TPP2: variants seen among roughly 807,000 people sequenced by gnomAD.
TPP2 encodes the protein tripeptidyl peptidase 2.
TPP2 carries 34 observed loss-of-function variants against 155.9 expected under a neutral mutation model. The observed-to-expected ratio is 0.22, with a 90% CI of 0.17 to 0.29. The LOEUF is 0.29. TPP2 is among the 10% of genes least tolerant of loss of function. The pLI, the probability that TPP2 is intolerant of heterozygous loss-of-function variation, is 1.00. For missense variants in TPP2, 1,028 were observed against 1,522.3 expected (o/e 0.68, Z 5.40); for synonymous variants, 510 against 529.4 (o/e 0.96, Z 0.50).
At chr13:102,602,335 A>T (rs1216651438) in intron 1 of TPP2, among the ~76,000 whole-genome samples, 1 of 151,988 alleles carries the variant, frequency 6.6e-6, no homozygotes, top group Non-Finnish European at 1.5e-5. Flanking sequence ...TATCTGATTT[A>T]AGTTTTATAG....
chr13:102,675,822 A>G (rs952845177), intron 28 of TPP2, among the ~76,000 whole-genome samples: 2 of 152,194 alleles, frequency 1.3e-5, no homozygotes, highest in Non-Finnish European at 2.9e-5. Flanking sequence ...CCACATTCCA[A>G]AGTAGAGACC....
In TPP2 at chr13:102,625,013, C is replaced by T. The variant is rs1881480032; in HGVS notation, c.784+1973C>T. Among the ~76,000 whole-genome samples, 4 of 151,196 alleles carry T rather than the reference C, an allele frequency of 2.6e-5. No homozygotes were observed. In the South Asian group the frequency reaches 8.4e-4, roughly 32 times the overall value. On this transcript the variant is annotated intron_variant, in intron 6 of 29. Coordinates refer to ENST00000376052, the MANE Select transcript of TPP2 (RefSeq NM_001330588.2). The stretch of plus-strand genomic sequence containing the variant: ...TAGCTGGGATTACAGGCGCGTACCA[C>T]CACACCTGGCTAGTTTTTGTATTTT...
At chr13:102,652,266 A>G (rs757876389) in intron 24 of TPP2, among the ~76,000 whole-genome samples, 3 of 151,554 alleles carry the variant, frequency 2.0e-5, no homozygotes, top group Admixed American at 2.0e-4. Flanking sequence ...AGTCCCAGCT[A>G]CTCTATTGGA....
chr13:102,673,246 C>T (rs1016745358), intron 27 of TPP2, among the ~76,000 whole-genome samples: 6 of 152,184 alleles, frequency 3.9e-5, no homozygotes, highest in African/African-American at 7.2e-5. Flanking sequence ...GGGTTGATGG[C>T]TGTCTTTCCT....
In TPP2 at chr13:102,667,129, C is replaced by G. The variant is rs142094408; in HGVS notation, c.3371+2204C>G. 4.9e-3 allele frequency among the ~76,000 whole-genome samples: 749 copies of G among 152,250 alleles called. 7 individuals are homozygous for G. Among genetic ancestry groups the G allele is most frequent in the African/African-American group, 0.017 (712 of 41,552 alleles). ...ATGGGCAAGTAGCAGCCAACTTAAG[C>G]ATTAATTTCTCATTTCCATGCAAAA... On this transcript the variant is annotated intron_variant, in intron 27 of 29. Transcript: ENST00000376052.
Position 102,651,353 on chromosome 13 carries a change from TC to T in TPP2, c.2953-3del. On this transcript the variant is annotated splice_polypyrimidine_tract_variant and splice_region_variant and intron_variant, in intron 23 of 29. Transcript: ENST00000376052. ...TTTTCTTACAGAATGTCGTTCTAAC[TC>T]CCAGGGGCAGTCTGCAGCAAAACGA... 1 of 1,580,714 alleles carries T rather than the reference TC, an allele frequency of 6.3e-7. No homozygotes were observed. Among genetic ancestry groups the T allele is most frequent in the Non-Finnish European group, 8.6e-7 (1 of 1,162,408 alleles).
At chr13:102,660,156 A>G (rs557973612) in intron 25 of TPP2, among the ~76,000 whole-genome samples, 5 of 152,164 alleles carry the variant, frequency 3.3e-5, no homozygotes, top group African/African-American at 1.2e-4. Context: ...ATAAGTTAAG[A>G]TGTATATGGT....
intron 23 of TPP2, 72 bp downstream of exon 23, chr13:102,649,558 TC>T: frequency 7.4e-7 from 1 of 1,345,548 alleles, no homozygotes; most frequent in Non-Finnish European, 1.0e-6. Flanking sequence ...AAGAATTAAT[TC>T]CACATTTCAG....
chr13:102,670,641 G>T (rs892697537), intron 27 of TPP2, among the ~76,000 whole-genome samples: 26 of 152,230 alleles, frequency 1.7e-4, no homozygotes, highest in African/African-American at 6.0e-4. Context: ...CCTTTTTGCT[G>T]CAGGAGTTAA....
At chr13:102,623,385 GAA>G (rs1881313493) in intron 6 of TPP2, among the ~76,000 whole-genome samples, 1 of 152,162 alleles carries the variant, frequency 6.6e-6, no homozygotes, top group Non-Finnish European at 1.5e-5. Context: ...CCAACATGGA[GAA>G]ACCCCATCTC....
At position 102,616,386 on chromosome 13, in the gene TPP2, G is replaced by A. The variant is rs1464029410; in HGVS notation, c.391-10G>A. The stretch of plus-strand genomic sequence containing the variant: ...AGCCTAATTGTAAGGTAATTTTTCT[G>A]TCTTTGCAGAAAGAACGGAAGGAAA... On this transcript the variant is annotated splice_polypyrimidine_tract_variant and intron_variant, in intron 3 of 29. Coordinates refer to ENST00000376052, the MANE Select transcript of TPP2 (RefSeq NM_001330588.2). 2.0e-5 allele frequency: 32 copies of A among 1,601,240 alleles called. No individual in the cohort carries two copies. Among genetic ancestry groups the A allele is most frequent in the Non-Finnish European group, 2.7e-5 (32 of 1,173,844 alleles).
rs1885446945 is a variant in TPP2 at position 102,678,735 on chromosome 13, A to G, written c.*419A>G. The G allele has an allele frequency of 6.5e-6, 1 of 152,778 alleles. No individual in the cohort carries two copies. Among genetic ancestry groups the G allele is most frequent in the African/African-American group, 2.4e-5 (1 of 41,412 alleles). The allele number at this position is 152,778 out of a possible 1,614,324, so 9.5% of individuals were successfully genotyped here. The stretch of plus-strand genomic sequence containing the variant: ...TGTATGAAGGCCTTAAAAAAGCTAC[A>G]TTAAGCGTAGCTAAAATTATTTATT... On this transcript the variant is annotated 3_prime_UTR_variant, in exon 30 of 30. Coordinates refer to ENST00000376052, the MANE Select transcript of TPP2 (RefSeq NM_001330588.2).
intron 21 of TPP2, among the ~76,000 whole-genome samples, chr13:102,647,755 G>T (rs1201540415): frequency 6.6e-6 from 1 of 152,166 alleles, no homozygotes; most frequent in African/African-American, 2.4e-5. Context: ...CATGTCTTCA[G>T]TTCATTTGTA....
intron 10 of TPP2, among the ~76,000 whole-genome samples, chr13:102,630,762 G>A (rs1881961880): frequency 6.6e-6 from 1 of 152,154 alleles, no homozygotes; most frequent in African/African-American, 2.4e-5. Context: ...GGTATATTAA[G>A]TCCTAATTTA....
chr13:102,622,721 C>T (rs1386003761), intron 5 of TPP2, among the ~76,000 whole-genome samples, 156 bp from the exon 6 acceptor site: 1 of 152,030 alleles, frequency 6.6e-6, no homozygotes, highest in Non-Finnish European at 1.5e-5. Context: ...TCCTTACTGC[C>T]CACTCTAAGA....
At chr13:102,661,250 C>CT (rs35157211) in intron 25 of TPP2, among the ~76,000 whole-genome samples, 51,572 of 124,024 alleles carry the variant, frequency 0.42, 11,680 homozygotes, top group African/African-American at 0.5. Flanking sequence ...GAACGCTAAC[C>CT]TTTTTTTTTT....
At chr13:102,642,849 C>A (rs1023889293) in intron 16 of TPP2, among the ~76,000 whole-genome samples, 1 of 152,156 alleles carries the variant, frequency 6.6e-6, no homozygotes, top group Non-Finnish European at 1.5e-5. Context: ...ATATAACCTT[C>A]CTTACTTTAT....
intron 1 of TPP2, among the ~76,000 whole-genome samples, chr13:102,601,557 C>G (rs1244415691): frequency 6.6e-6 from 1 of 152,224 alleles, no homozygotes; most frequent in African/African-American, 2.4e-5. Flanking sequence ...GCCCAGTAAG[C>G]ATTTCCCAGT....
intron 24 of TPP2, among the ~76,000 whole-genome samples, chr13:102,656,307 A>T (rs1294702075): frequency 2.0e-5 from 3 of 152,082 alleles, no homozygotes; most frequent in East Asian, 3.9e-4. Context: ...TTTTTAAACC[A>T]TATTCTGTCA....
Sources: allele counts gnomAD v4.1 joint callset (sites outside exome capture counted in the v4.1 genomes callset), GRCh38; gene constraint gnomAD v4.1.1; transcripts MANE v1.5; gene names NCBI Gene and HGNC (gene_info 2026-07-23, HGNC 2026-07-21).